The following LAMA3 variants were observed in gnomAD, a reference collection of about 807,000 sequenced individuals.
The protein encoded by LAMA3 is laminin subunit alpha 3, also known as laminin subunit alpha-3.
A neutral mutation model predicts 402.0 loss-of-function variants in LAMA3; 281 were observed. That is an observed-to-expected ratio of 0.70 (90% CI 0.63 to 0.77). LAMA3 has a LOEUF of 0.77. Ranked by LOEUF, LAMA3 falls within the 30% of genes least tolerant of loss-of-function variation. LAMA3 has a pLI of 0.00. For synonymous variants in LAMA3, 1,431 were observed against 1,558.4 expected, an observed-to-expected ratio of 0.92 and a Z score of 1.93; for missense variants, 3,840 against 4,215.5, an observed-to-expected ratio of 0.91 and a Z score of 2.47.
At chr18:23,908,533 C>CAAAAAAA (rs111961159) in intron 54 of LAMA3, among the ~76,000 whole-genome samples, 1 of 57,002 alleles carries the variant, frequency 1.8e-5, no homozygotes, top group Admixed American at 1.8e-4. Context: ...CCATCTCAAA[C>CAAAAAAA]AAAAAAAAAA....
At chr18:23,890,771 A>G (rs2145018871) in intron 42 of LAMA3, among the ~76,000 whole-genome samples, 1 of 152,316 alleles carries the variant, frequency 6.6e-6, no homozygotes, top group South Asian at 2.1e-4. Flanking sequence ...TAAACCCTGG[A>G]TATGTGGATT....
intron 2 of LAMA3, among the ~76,000 whole-genome samples, chr18:23,721,644 C>A (rs2061215040): frequency 6.6e-6 from 1 of 152,290 alleles, no homozygotes; most frequent in African/African-American, 2.4e-5. Context: ...ACTTCCCTCT[C>A]CCTCCCCACT....
intron 69 of LAMA3, 65 bp from the exon 70 acceptor site, chr18:23,946,079 T>C: frequency 9.3e-6 from 14 of 1,501,408 alleles, no homozygotes; most frequent in Non-Finnish European, 1.3e-5. Flanking sequence ...CACTAATATT[T>C]AATAAAATAC....
intron 1 of LAMA3, among the ~76,000 whole-genome samples, chr18:23,697,778 T>C (rs931476529): frequency 3.3e-4 from 47 of 144,460 alleles, no homozygotes; most frequent in African/African-American, 1.2e-3. Flanking sequence ...ACTCAACCTG[T>C]GTCAGTTTGC....
intron 12 of LAMA3, among the ~76,000 whole-genome samples, chr18:23,789,422 T>C (rs1294013197): frequency 2.6e-5 from 4 of 152,224 alleles, no homozygotes; most frequent in African/African-American, 4.8e-5. Context: ...ACAACCCATA[T>C]GCTCATCAAC....
chr18:23,736,322 G>T (rs1447282348), intron 2 of LAMA3, among the ~76,000 whole-genome samples: 3 of 149,514 alleles, frequency 2.0e-5, no homozygotes, highest in African/African-American at 7.4e-5. Flanking sequence ...TTTATATTAT[G>T]TGGGTTCACC....
chr18:23,933,949 C>T lies in LAMA3; in HGVS notation c.8862+14C>T. ...CGTATCAACCAGGTAAGTGTCCAAA[C>T]CTAACCCTGGGTTTCCCTCTTCCCT... is the stretch of plus-strand genomic sequence containing the variant. On this transcript the variant is annotated intron_variant, in intron 67 of 74. Coordinates refer to ENST00000313654, the MANE Select transcript of LAMA3 (RefSeq NM_198129.4). 6.2e-7 allele frequency: 1 copy of T among 1,613,530 alleles called. No homozygotes were observed. Among genetic ancestry groups the T allele is most frequent in the Non-Finnish European group, 8.5e-7 (1 of 1,179,600 alleles).
intron 22 of LAMA3, 146 bp from the exon 23 acceptor site, chr18:23,827,168 T>C (rs968870152): frequency 4.2e-5 from 39 of 920,120 alleles, no homozygotes; most frequent in Non-Finnish European, 6.2e-5. Flanking sequence ...TTAATTCTTG[T>C]AGCAGACACT....
intron 37 of LAMA3, among the ~76,000 whole-genome samples, chr18:23,870,707 C>T (rs967603718): frequency 6.6e-6 from 1 of 152,134 alleles, no homozygotes; most frequent in African/African-American, 2.4e-5. Context: ...ACCTTGAGAA[C>T]CTTATGCTAA....
chr18:23,902,132 C>T (rs930253086), intron 48 of LAMA3, among the ~76,000 whole-genome samples: 12 of 152,076 alleles, frequency 7.9e-5, no homozygotes, highest in African/African-American at 2.7e-4. Flanking sequence ...AGACCAGCCT[C>T]GGCAATGTAG....
At position 23,936,798 on chromosome 18, in the gene LAMA3, G is replaced by T. The variant is rs564023714; in HGVS notation, c.8863-2425G>T. ...AAGCCACATCATGTGGCCTCTACAGGCCCGAGAGCCTGGTGAACAGTGGGA... is the reference window on the plus strand; with the variant it reads ...AAGCCACATCATGTGGCCTCTACAGTCCCGAGAGCCTGGTGAACAGTGGGA... On this transcript the variant is annotated intron_variant, in intron 67 of 74. Coordinates refer to ENST00000313654, the MANE Select transcript of LAMA3 (RefSeq NM_198129.4). Among the ~76,000 whole-genome samples the T allele has an allele frequency of 2.6e-5, 4 of 152,292 alleles. 1 individual carries two copies. The East Asian group carries it at 7.7e-4, about 29-fold the overall frequency.
chr18:23,717,767 C>T (rs1467683349), intron 2 of LAMA3, among the ~76,000 whole-genome samples: 2 of 133,752 alleles, frequency 1.5e-5, no homozygotes, highest in Non-Finnish European at 3.0e-5. Context: ...GACAGGGTTT[C>T]ACCATGTTGG....
Position 23,928,256 on chromosome 18 carries a change from G to T in LAMA3, c.8295+16G>T. 1 of 1,515,056 alleles carries T rather than the reference G, an allele frequency of 6.6e-7. No homozygotes were observed. The highest frequency in any genetic ancestry group is 1.1e-5 in the South Asian group (1 of 88,942). The allele number at this position is 1,515,056 out of a possible 1,614,324, so 93.9% of individuals were successfully genotyped here. ...AGACTGGAAGGTAAGTGAAAGTTCA[G>T]AACCTCGTGAAGGAGTGCTTCCCAG... On this transcript the variant is annotated intron_variant, in intron 63 of 74. Coordinates refer to ENST00000313654, the MANE Select transcript of LAMA3 (RefSeq NM_198129.4).
intron 29 of LAMA3, among the ~76,000 whole-genome samples, chr18:23,844,162 A>G (rs1027399974): frequency 1.3e-5 from 2 of 152,182 alleles, no homozygotes; most frequent in African/African-American, 4.8e-5. Context: ...ATTGAATATC[A>G]TGAGAGTAAT....
Position 23,907,557 on chromosome 18 carries a change from T to C in LAMA3, c.6726T>C (p.Ser2242=). 3 of 1,610,898 alleles carry C rather than the reference T, an allele frequency of 1.9e-6. No homozygotes were observed. The highest frequency in any genetic ancestry group is 2.5e-6 in the Non-Finnish European group (3 of 1,177,122). ...TGCTTTATTTTATTTTAGAAGTCAG[T>C]CCAGCTCTCAACAACCTACAGCAAA... is the stretch of plus-strand genomic sequence containing the variant. ...MTQKKLKQEV[S]PALNNLQQTL... is the part of the protein sequence containing the mutation. Residue 2242 remains serine (S), a synonymous_variant, in exon 53 of 75, where the codon AGT becomes AGC. Transcript: ENST00000313654.
At chr18:23,827,558 C>A in intron 23 of LAMA3, 91 bp downstream of exon 23, 1 of 1,389,202 alleles carries the variant, frequency 7.2e-7, no homozygotes, top group Non-Finnish European at 9.9e-7. Context: ...TTCTCAAATT[C>A]AGGGGAACCT....
chr18:23,949,012 T>C (rs2082808662), intron 70 of LAMA3, among the ~76,000 whole-genome samples: 1 of 152,232 alleles, frequency 6.6e-6, no homozygotes, highest in Non-Finnish European at 1.5e-5. Context: ...TTATGAAATT[T>C]ACAGTCCTCC....
Position 23,774,920 on chromosome 18 carries a change from G to T in LAMA3, c.1274-872G>T, listed in dbSNP as rs371314112. ...AATAGGCATTGGGAAAGGAAAACAGGACATTGCCAATGTAATTGTACCTCA... is the reference window on the plus strand; with the variant it reads ...AATAGGCATTGGGAAAGGAAAACAGTACATTGCCAATGTAATTGTACCTCA... On this transcript the variant is annotated intron_variant, in intron 9 of 74. Transcript: ENST00000313654. 8.3e-4 allele frequency among the ~76,000 whole-genome samples: 126 copies of T among 152,340 alleles called. 3 individuals are homozygous for T. In the South Asian group the frequency reaches 0.026, roughly 31 times the overall value.
In LAMA3 at chr18:23,836,106, T is replaced by TACACAC. The variant is rs10569981; in HGVS notation, c.2985-844_2985-839dup. ...ATCCAAAAGAATGTGTTTTAATGGA[T>TACACAC]ACACACACACACACACACACACACA... On this transcript the variant is annotated intron_variant, in intron 24 of 74. Coordinates refer to ENST00000313654, the MANE Select transcript of LAMA3 (RefSeq NM_198129.4). Among the ~76,000 whole-genome samples the TACACAC allele has an allele frequency of 6.0e-3, 885 of 148,144 alleles. 7 individuals are homozygous for TACACAC. Among genetic ancestry groups the TACACAC allele is most frequent in the African/African-American group, 0.021 (821 of 39,964 alleles).
Sources: gnomAD v4.1 joint callset for allele counts (sites outside exome capture counted in the v4.1 genomes callset) on GRCh38, gnomAD v4.1.1 for gene constraint, MANE v1.5 for transcripts, NCBI Gene and HGNC (gene_info 2026-07-23, HGNC 2026-07-21) for gene names.